The following MOSMO variants were observed in gnomAD, a reference collection of about 807,000 sequenced individuals.
MOSMO encodes modulator of smoothened protein.
Under a neutral mutation model 18.4 loss-of-function variants are expected in MOSMO, and 5 were observed. That is an observed-to-expected ratio of 0.27 (90% CI 0.14 to 0.57). The LOEUF is 0.57. MOSMO is among the 20% of genes least tolerant of loss of function. The pLI is 0.92. For missense variants in MOSMO, 138 were observed against 211.8 expected, an observed-to-expected ratio of 0.65 and a Z score of 2.16; for synonymous variants, 82 against 82.3, an observed-to-expected ratio of 1.00 and a Z score of 0.02.
intron 1 of MOSMO, among the ~76,000 whole-genome samples, chr16:22,072,769 T>C (rs191819682): frequency 6.7e-6 from 1 of 148,502 alleles, no homozygotes; most frequent in Non-Finnish European, 1.5e-5. Flanking sequence ...ATCGCGCCAC[T>C]GCACTCCAGC....
intron 1 of MOSMO, among the ~76,000 whole-genome samples, chr16:22,043,136 T>C (rs935611305): frequency 5.3e-5 from 8 of 152,232 alleles, no homozygotes; most frequent in Non-Finnish European, 1.2e-4. Context: ...ACATGCAGCA[T>C]TGGGAATTTA....
rs147839817 is a variant in MOSMO at position 22,014,498 on chromosome 16, A to C, written c.106+6091A>C. Among the ~76,000 whole-genome samples the C allele has an allele frequency of 1.9e-3, 285 of 152,266 alleles. 2 individuals are homozygous for C. The highest frequency in any genetic ancestry group is 6.5e-3 in the African/African-American group (272 of 41,562). On this transcript the variant is annotated intron_variant, in intron 1 of 2. Coordinates refer to ENST00000542527, the MANE Select transcript of MOSMO (RefSeq NM_001164579.2). ...CTACCTCCTACCTACTTCATAGGAA[A>C]ATCTGGTAAACCTCAGATAAGGGAC...
Position 22,082,848 on chromosome 16 carries a change from A to G in MOSMO, c.*1968A>G, listed in dbSNP as rs980564089. On this transcript the variant is annotated 3_prime_UTR_variant, in exon 3 of 3. Transcript: ENST00000542527. ...TTCTTAAGTGTTCTGGGAGAATGTCATACTTTTCCTTCCCAGAGTAAAAGA... is the reference window on the plus strand; with the variant it reads ...TTCTTAAGTGTTCTGGGAGAATGTCGTACTTTTCCTTCCCAGAGTAAAAGA... 4 of 152,224 alleles carry G rather than the reference A, an allele frequency of 2.6e-5. No homozygotes were observed. Among genetic ancestry groups the G allele is most frequent in the African/African-American group, 4.8e-5 (2 of 41,458 alleles). The allele number at this position is 152,224 out of a possible 1,614,324, so 9.4% of individuals were successfully genotyped here.
At chr16:22,048,508 C>A (rs905430813) in intron 1 of MOSMO, among the ~76,000 whole-genome samples, 1 of 152,070 alleles carries the variant, frequency 6.6e-6, no homozygotes, top group African/African-American at 2.4e-5. Context: ...TTGATGGCCC[C>A]AAAAATGGTA....
downstream of MOSMO, among the ~76,000 whole-genome samples, chr16:22,091,446 C>T (rs1339589583): frequency 6.6e-6 from 1 of 152,152 alleles, no homozygotes; most frequent in East Asian, 1.9e-4. Context: ...TGCAGTGGTG[C>T]GATCATAGCT....
chr16:22,065,571 C>T (rs999600780), intron 1 of MOSMO, among the ~76,000 whole-genome samples: 2 of 152,056 alleles, frequency 1.3e-5, no homozygotes, highest in East Asian at 1.9e-4. Flanking sequence ...TTCATGAGTA[C>T]ACTACTGTGT....
chr16:22,075,954 A>G (rs1421128428), intron 2 of MOSMO: 1 of 373,476 alleles, frequency 2.7e-6, no homozygotes, highest in Non-Finnish European at 5.1e-6. Context: ...AGATTGTGAC[A>G]TAAGTGTTCC....
rs1900324786 is a variant in MOSMO, at chr16:22,047,139, A to ATTGTGTGGTTTGC, written c.107-28345_107-28333dup. On this transcript the variant is annotated intron_variant, in intron 1 of 2. Coordinates refer to ENST00000542527, the MANE Select transcript of MOSMO (RefSeq NM_001164579.2). ...ATAAATGGATCTCATGATATATACT[A>ATTGTGTGGTTTGC]TTGTGTGGTTTGCTTTTTTCTCATG... 2.0e-5 allele frequency among the ~76,000 whole-genome samples: 3 copies of ATTGTGTGGTTTGC among 149,756 alleles called. No homozygotes were observed. The East Asian group carries it at 5.9e-4, about 30-fold the overall frequency.
rs946630411 is a variant in MOSMO at position 22,080,435 on chromosome 16, G to T, written c.320-261G>T. ...TAGGAATCGTATTTGTGAGGATTTGGTAGGTTTGGAAAAGGACTTTCTTAA... is the reference window on the plus strand; with the variant it reads ...TAGGAATCGTATTTGTGAGGATTTGTTAGGTTTGGAAAAGGACTTTCTTAA... On this transcript the variant is annotated intron_variant, in intron 2 of 2. Transcript: ENST00000542527. Among the ~76,000 whole-genome samples the T allele has an allele frequency of 2.0e-5, 3 of 152,174 alleles. No homozygotes were observed. In the South Asian group the frequency reaches 6.2e-4, roughly 31 times the overall value.
intron 1 of MOSMO, among the ~76,000 whole-genome samples, chr16:22,048,683 G>A (rs994724763): frequency 2.0e-5 from 3 of 152,018 alleles, no homozygotes; most frequent in East Asian, 3.9e-4. Context: ...CCAGTCTCAC[G>A]TTGTTTTTCA....
chr16:22,008,710 T>C (rs1597990637), intron 1 of MOSMO, among the ~76,000 whole-genome samples: 2 of 141,112 alleles, frequency 1.4e-5, no homozygotes, highest in African/African-American at 5.5e-5. Context: ...CCCTCCGATG[T>C]GAGGGATCGC....
chr16:22,088,658 T>C (rs777305771), downstream of MOSMO, among the ~76,000 whole-genome samples: 21 of 152,214 alleles, frequency 1.4e-4, no homozygotes, highest in Non-Finnish European at 2.5e-4. Context: ...TTATGTGCTT[T>C]CCCATATGTC....
intron 1 of MOSMO, among the ~76,000 whole-genome samples, chr16:22,027,919 G>A (rs1899909067): frequency 6.6e-6 from 1 of 152,178 alleles, no homozygotes; most frequent in Non-Finnish European, 1.5e-5. Context: ...GTCTCCAGGA[G>A]TTGTGTGGCA....
chr16:22,024,277 T>C (rs1440751902), intron 1 of MOSMO, among the ~76,000 whole-genome samples: 1 of 152,016 alleles, frequency 6.6e-6, no homozygotes, highest in Non-Finnish European at 1.5e-5. Flanking sequence ...TGAGTGAAAT[T>C]AGTGGTTAGG....
At chr16:22,088,552 A>G (rs934519855), downstream of MOSMO, among the ~76,000 whole-genome samples, 41 of 152,340 alleles carry the variant, frequency 2.7e-4, no homozygotes, top group African/African-American at 9.9e-4. Flanking sequence ...GAAGCGTATC[A>G]ACTATTAAAG....
chr16:22,044,879 A>G (rs1241548383), intron 1 of MOSMO, among the ~76,000 whole-genome samples: 4 of 152,122 alleles, frequency 2.6e-5, no homozygotes, highest in African/African-American at 7.2e-5. Flanking sequence ...GAGCTTACAT[A>G]TAATAGCAAT....
At chr16:22,016,704 C>T (rs777241543) in intron 1 of MOSMO, among the ~76,000 whole-genome samples, 8 of 152,124 alleles carry the variant, frequency 5.3e-5, no homozygotes, top group Non-Finnish European at 7.4e-5. Flanking sequence ...CCCTGTCCTA[C>T]TATTTACGAG....
chr16:22,081,016 G>T lies in MOSMO; in HGVS notation c.*136G>T. 2 of 323,556 alleles carry T rather than the reference G, an allele frequency of 6.2e-6. No individual in the cohort carries two copies. Among genetic ancestry groups the T allele is most frequent in the East Asian group, 4.7e-5 (1 of 21,444 alleles). 20.0% of individuals were successfully genotyped at this position (323,556 alleles called of 1,614,324 possible). A position where few individuals can be genotyped will look rare whatever the true frequency, so the allele number is the denominator to read the frequency against. ...GATGCTCAGATGAAACTGATGCTGA[G>T]AAGGAAAAAAAAATGCTTTGGTTTG... On this transcript the variant is annotated 3_prime_UTR_variant, in exon 3 of 3. Transcript: ENST00000542527.
intron 1 of MOSMO, among the ~76,000 whole-genome samples, chr16:22,019,202 A>G (rs1396896526): frequency 1.3e-5 from 2 of 152,178 alleles, no homozygotes; most frequent in African/African-American, 4.8e-5. Context: ...GATTTTCACA[A>G]TCTGGCTCCA....
Sources: gnomAD v4.1 joint callset for allele counts (sites outside exome capture counted in the v4.1 genomes callset) on GRCh38, gnomAD v4.1.1 for gene constraint, MANE v1.5 for transcripts, NCBI Gene and HGNC (gene_info 2026-07-23, HGNC 2026-07-21) for gene names.